Variants in RANBP3L observed in about 807,000 individuals in gnomAD.
The protein encoded by RANBP3L is RAN binding protein 3 like.
In RANBP3L, 56 loss-of-function variants were observed where a neutral mutation model predicts 67.2. That is an observed-to-expected ratio of 0.83 (90% confidence interval 0.67 to 1.04). The LOEUF is 1.04. RANBP3L is among the 50% of genes least tolerant of loss of function. RANBP3L has a pLI of 0.00. For synonymous variants in RANBP3L, 164 were observed against 181.4 expected (o/e 0.90, Z 0.77); for missense variants, 496 against 535.5 (o/e 0.93, Z 0.73).
In RANBP3L at chr5:36,260,093, C is replaced by T. The variant is rs74293505; in HGVS notation, c.669+687G>A. On this transcript the variant is annotated intron_variant, in intron 8 of 13. Transcript: ENST00000296604. ...ACTGATAAGAACAAATTGGCTCAAG[C>T]TTATAATCCCAGCACTTTGGGAAGC... is the stretch of plus-strand genomic sequence containing the variant. Among the ~76,000 whole-genome samples, 1,824 of 151,796 alleles carry T rather than the reference C, an allele frequency of 0.012. 147 individuals are homozygous for T. The East Asian group carries it at 0.22, about 18-fold the overall frequency.
chr5:36,260,971 G>T, intron 7 of RANBP3L, 107 bp from the exon 8 acceptor site: 2 of 601,522 alleles, frequency 3.3e-6, no homozygotes, highest in South Asian at 2.1e-5. Context: ...CAAATTTACT[G>T]CTCACTTTTG....
intron 1 of RANBP3L, among the ~76,000 whole-genome samples, chr5:36,288,969 G>A (rs933042093): frequency 2.6e-5 from 4 of 151,428 alleles, no homozygotes; most frequent in Non-Finnish European, 5.9e-5. Flanking sequence ...ATATTTTATG[G>A]TCAGTGCTTT....
intron 1 of RANBP3L, among the ~76,000 whole-genome samples, chr5:36,299,922 A>T (rs1423352804): frequency 2.0e-5 from 3 of 152,200 alleles, no homozygotes; most frequent in African/African-American, 7.2e-5. Flanking sequence ...AAAAGCAAGC[A>T]AAGGAATAAT....
chr5:36,255,621 T>C (rs1748917774), intron 10 of RANBP3L, 31 bp from the exon 11 acceptor site: 2 of 1,546,378 alleles, frequency 1.3e-6, no homozygotes, highest in Non-Finnish European at 1.8e-6. Context: ...ATGTCAAATA[T>C]ATAGAAAATT....
chr5:36,257,175 T>C, intron 9 of RANBP3L, 104 bp from the exon 10 acceptor site: 2 of 936,336 alleles, frequency 2.1e-6, no homozygotes, highest in Non-Finnish European at 3.1e-6. Flanking sequence ...CTTCTTCTAG[T>C]AGTAAGTGAT....
At chr5:36,298,128 C>T (rs1178160473) in intron 1 of RANBP3L, among the ~76,000 whole-genome samples, 3 of 151,524 alleles carry the variant, frequency 2.0e-5, no homozygotes, top group Admixed American at 6.6e-5. Context: ...GTGAAACCCC[C>T]GTCTCTACTA....
chr5:36,277,991 A>G (rs540824535), intron 1 of RANBP3L, among the ~76,000 whole-genome samples: 5 of 152,222 alleles, frequency 3.3e-5, no homozygotes, highest in Admixed American at 3.3e-4. Context: ...CTTATTCACT[A>G]CCACGAGAAC....
At chr5:36,254,063 A>G (rs562917619) in intron 11 of RANBP3L, among the ~76,000 whole-genome samples, 14 of 152,262 alleles carry the variant, frequency 9.2e-5, no homozygotes, top group Admixed American at 7.2e-4. Context: ...GGTCTGAAGA[A>G]TATTTGTCCA....
intron 6 of RANBP3L, among the ~76,000 whole-genome samples, chr5:36,264,143 G>T (rs1749586291): frequency 6.7e-6 from 1 of 149,724 alleles, no homozygotes; most frequent in African/African-American, 2.4e-5. Context: ...AGCAGCAGAG[G>T]CAAGATTAGT....
chr5:36,294,496 G>T (rs924991618), intron 1 of RANBP3L, among the ~76,000 whole-genome samples: 1 of 151,534 alleles, frequency 6.6e-6, no homozygotes, highest in African/African-American at 2.4e-5. Context: ...ATGATGTTAG[G>T]GTATCAATTT....
At chr5:36,286,010 G>C (rs1017143341) in intron 1 of RANBP3L, among the ~76,000 whole-genome samples, 5 of 152,156 alleles carry the variant, frequency 3.3e-5, no homozygotes, top group Non-Finnish European at 5.9e-5. Context: ...AGGATAATTC[G>C]TGGTTACTGG....
At chr5:36,265,907 G>A (rs1337201808) in intron 4 of RANBP3L, among the ~76,000 whole-genome samples, 4 of 151,402 alleles carry the variant, frequency 2.6e-5, no homozygotes, top group Non-Finnish European at 5.9e-5. Context: ...AACCCAGGAG[G>A]TGGAGGTTGC....
At chr5:36,259,937 G>A (rs1486057574) in intron 8 of RANBP3L, among the ~76,000 whole-genome samples, 3 of 152,140 alleles carry the variant, frequency 2.0e-5, no homozygotes, top group African/African-American at 4.8e-5. Flanking sequence ...TGGTAATAAC[G>A]TGAGGGGTTT....
Position 36,257,565 on chromosome 5 carries a change from G to A in RANBP3L, c.670-9C>T, listed in dbSNP as rs114465031. Reference sequence around the variant, plus strand: ...GTGAGTTTTTGAGTACCCTGAGAGCGGAAAAAGATGCATTATTTTATTTAA... The same window carrying A: ...GTGAGTTTTTGAGTACCCTGAGAGCAGAAAAAGATGCATTATTTTATTTAA... On this transcript the variant is annotated splice_polypyrimidine_tract_variant and intron_variant, in intron 8 of 13. Transcript: ENST00000296604. 2,326 of 1,189,138 alleles carry A rather than the reference G, an allele frequency of 2.0e-3. 40 individuals carry two copies. The African/African-American group carries it at 0.032, about 16-fold the overall frequency. The allele number at this position is 1,189,138 out of a possible 1,614,324, so 73.7% of individuals were successfully genotyped here. A position where few individuals can be genotyped will look rare whatever the true frequency, so the allele number is the denominator to read the frequency against.
intron 1 of RANBP3L, among the ~76,000 whole-genome samples, chr5:36,281,673 CT>C (rs1166268324): frequency 7.2e-5 from 11 of 152,154 alleles, no homozygotes; most frequent in African/African-American, 2.4e-4. Context: ...CTATAAAACA[CT>C]GCAAGATGCT....
Position 36,301,559 on chromosome 5 carries a change from T to C in RANBP3L, c.-143A>G. 1 of 513,916 alleles carries C rather than the reference T, an allele frequency of 1.9e-6. No homozygotes were observed. Among genetic ancestry groups the C allele is most frequent in the Middle Eastern group, 3.5e-4 (1 of 2,848 alleles). 31.8% of individuals were successfully genotyped at this position (513,916 alleles called of 1,614,324 possible). A position where few individuals can be genotyped will look rare whatever the true frequency, so the allele number is the denominator to read the frequency against. The stretch of plus-strand genomic sequence containing the variant: ...TTTGCATGTACAACATATACTCCTC[T>C]ACTAAACTTCCAAGCTTTTTCCAGT... On this transcript the variant is annotated 5_prime_UTR_variant, in exon 1 of 14. Transcript: ENST00000296604.
At chr5:36,273,406 C>G (rs775373508) in intron 1 of RANBP3L, among the ~76,000 whole-genome samples, 1 of 152,198 alleles carries the variant, frequency 6.6e-6, no homozygotes, top group Non-Finnish European at 1.5e-5. Context: ...CCACCTTTAT[C>G]CATTAATTCA....
intron 9 of RANBP3L, 53 bp from the exon 10 acceptor site, chr5:36,257,124 A>G: frequency 6.6e-7 from 1 of 1,525,680 alleles, no homozygotes; most frequent in Non-Finnish European, 8.9e-7. Context: ...CTCTACTGTG[A>G]AAGTTCTTTG....
chr5:36,271,033 C>A (rs1299782334), intron 2 of RANBP3L, among the ~76,000 whole-genome samples: 2 of 152,152 alleles, frequency 1.3e-5, no homozygotes, highest in Non-Finnish European at 2.9e-5. Context: ...CATAGCGAAA[C>A]AGTATGTTAT....
Sources: allele counts gnomAD v4.1 joint callset (sites outside exome capture counted in the v4.1 genomes callset), GRCh38; gene constraint gnomAD v4.1.1; transcripts MANE v1.5; gene names NCBI Gene and HGNC (gene_info 2026-07-23, HGNC 2026-07-21).